Variants in TRIP12 observed in about 807,000 individuals in gnomAD.
The protein encoded by TRIP12 is thyroid hormone receptor interactor 12, also known as E3 ubiquitin-protein ligase TRIP12.
A neutral mutation model predicts 244.2 loss-of-function variants in TRIP12; 25 were observed. The ratio of observed to expected loss-of-function variants is 0.10; its 90% CI spans 0.07 to 0.14. TRIP12 has a LOEUF of 0.14. TRIP12 is among the 10% of genes least tolerant of loss of function. The probability of loss-of-function intolerance (pLI) is 1.00; values close to 1 mark genes in which losing one functional copy is unlikely to be tolerated. For missense variants in TRIP12, 1,677 were observed against 2,486.4 expected (o/e 0.67, Z 6.92); for synonymous variants, 905 against 873.1 (o/e 1.04, Z -0.64).
At chr2:229,902,396 A>G (rs1364657491) in intron 1 of TRIP12, among the ~76,000 whole-genome samples, 1 of 152,192 alleles carries the variant, frequency 6.6e-6, no homozygotes, top group Non-Finnish European at 1.5e-5. Context: ...ACCAAAAAAA[A>G]AAGAATTTTA....
intron 39 of TRIP12, among the ~76,000 whole-genome samples, chr2:229,769,655 T>C (rs569069759): frequency 6.6e-6 from 1 of 152,092 alleles, no homozygotes; most frequent in Non-Finnish European, 1.5e-5. Flanking sequence ...AAATGGATAA[T>C]CTGCTTCTAG....
chr2:229,857,800 C>A lies in TRIP12; in HGVS notation c.1027+972G>T, dbSNP rs1360041577. On this transcript the variant is annotated intron_variant, in intron 4 of 41. Transcript: ENST00000675903. ...AATGCACATAACGCTATGTTTCTTC[C>A]ATCTACTTTCTGTTTCTTTGCTTGA... 2.6e-5 allele frequency among the ~76,000 whole-genome samples: 4 copies of A among 152,218 alleles called. No homozygotes were observed. The East Asian group carries it at 7.7e-4, about 29-fold the overall frequency.
At chr2:229,808,133 A>AT in intron 16 of TRIP12, 119 bp downstream of exon 16, 2 of 794,760 alleles carry the variant, frequency 2.5e-6, no homozygotes, top group African/African-American at 1.7e-5. Context: ...CGCCCAGGTA[A>AT]TTTTTTGTAT....
chr2:229,804,042 C>A lies in TRIP12; in HGVS notation c.2836G>T (p.Ala946Ser). ...AILRIIYFAD[A>S]ELLKDVLKNH... Reference sequence around the variant, plus strand: ...TTCAGAACATCCTTCAGAAGTTCAGCATCCGCAAAATAAATTATCCTAAGA... The same window carrying A: ...TTCAGAACATCCTTCAGAAGTTCAGAATCCGCAAAATAAATTATCCTAAGA... Residue 946 changes from alanine (A) to serine (S), a missense_variant, in exon 19 of 42, where the codon GCT (alanine) becomes TCT (serine). Ala to Ser is a moderately conservative substitution (Grantham distance 99). Around this residue, in one of 11 missense-constraint regions of TRIP12, gnomAD observed 572 missense variants for 867.8 expected, o/e 0.66. Transcript: ENST00000675903. 6.2e-7 allele frequency: 1 copy of A among 1,614,012 alleles called. No homozygotes were observed. Among genetic ancestry groups the A allele is most frequent in the East Asian group, 2.2e-5 (1 of 44,866 alleles).
intron 1 of TRIP12, chr2:229,894,515 G>T (rs1240276532): frequency 6.6e-6 from 1 of 152,124 alleles, no homozygotes; most frequent in Non-Finnish European, 1.5e-5. Flanking sequence ...TGATGAAGAT[G>T]ACCAGAAATA....
chr2:229,848,223 C>T (rs1234221413), intron 4 of TRIP12, among the ~76,000 whole-genome samples: 1 of 152,102 alleles, frequency 6.6e-6, no homozygotes, highest in African/African-American at 2.4e-5. Flanking sequence ...TCTTGAATTA[C>T]ACTTGAGTAT....
chr2:229,796,365 A>G (rs1398647479), intron 25 of TRIP12, among the ~76,000 whole-genome samples: 1 of 152,210 alleles, frequency 6.6e-6, no homozygotes, highest in East Asian at 1.9e-4. Flanking sequence ...GACTCAAGAT[A>G]CTTCAATCAT....
At chr2:229,897,030 G>T (rs2069030057) in intron 1 of TRIP12, among the ~76,000 whole-genome samples, 1 of 152,164 alleles carries the variant, frequency 6.6e-6, no homozygotes, top group Admixed American at 6.5e-5. Context: ...CTTCGGTGGG[G>T]GATGTTGATC....
At chr2:229,825,534 C>G (rs1030968645) in intron 8 of TRIP12, among the ~76,000 whole-genome samples, 3 of 152,150 alleles carry the variant, frequency 2.0e-5, no homozygotes, top group Non-Finnish European at 2.9e-5. Context: ...AGGAAACTTA[C>G]CATCAGTGGA....
At chr2:229,768,782 T>C in intron 40 of TRIP12, 63 bp from the exon 41 acceptor site, 1 of 1,399,186 alleles carries the variant, frequency 7.1e-7, no homozygotes, top group South Asian at 1.4e-5. Context: ...TTAATCACAC[T>C]GCATCGCATC....
At position 229,829,253 on chromosome 2, in the gene TRIP12, A is replaced by C; in HGVS notation, c.1390T>G (p.Phe464Val). The change falls in exon 8 of 42, where the codon TTT becomes GTT. Residue 464 changes from phenylalanine to valine, a missense_variant. Coordinates refer to ENST00000675903, the MANE Select transcript of TRIP12 (RefSeq NM_001348323.3). ...GACATCCGAGGACCAAGAGGACCAA[A>C]TAGGTGAGGGGGAAGACCCCTTGCC... is the stretch of plus-strand genomic sequence containing the variant. ...LEARGLPPHLFGPLGPRMSQL... is the reference protein window; with the variant it reads ...LEARGLPPHLVGPLGPRMSQL... The C allele has an allele frequency of 6.2e-7, 1 of 1,614,012 alleles. No homozygotes were observed. Among genetic ancestry groups the C allele is most frequent in the Non-Finnish European group, 8.5e-7 (1 of 1,179,986 alleles).
chr2:229,807,713 T>C lies in TRIP12; in HGVS notation c.2491A>G (p.Ile831Val), dbSNP rs965568553. The C allele has an allele frequency of 2.5e-6, 4 of 1,614,048 alleles. No individual in the cohort carries two copies. Among genetic ancestry groups the C allele is most frequent in the African/African-American group, 1.3e-5 (1 of 74,920 alleles). ...HPYNRIDSRIIEAAHQVGEDE... is the reference protein window; with the variant it reads ...HPYNRIDSRIVEAAHQVGEDE... ...CGGTACGATGAAACTACTACCTCAATGATCCGGCTGTCAATCCTGTTATAT... is the reference window on the plus strand; with the variant it reads ...CGGTACGATGAAACTACTACCTCAACGATCCGGCTGTCAATCCTGTTATAT... The change falls in exon 17 of 42, where the codon ATT (isoleucine) becomes GTT (valine). Residue 831 changes from isoleucine to valine, a missense_variant. Ile to Val is a conservative substitution (Grantham distance 29, BLOSUM62 3). Coordinates refer to ENST00000675903, the MANE Select transcript of TRIP12 (RefSeq NM_001348323.3).
chr2:229,838,465 G>A (rs1013845259), intron 5 of TRIP12, among the ~76,000 whole-genome samples: 6 of 152,182 alleles, frequency 3.9e-5, no homozygotes, highest in African/African-American at 1.4e-4. Context: ...ACTTCAAGCA[G>A]GTGGCTAGAT....
chr2:229,897,809 C>T (rs2069314077), intron 1 of TRIP12, among the ~76,000 whole-genome samples: 1 of 152,192 alleles, frequency 6.6e-6, no homozygotes, highest in African/African-American at 2.4e-5. Context: ...ATTAGACAAC[C>T]ATGTTTGCCT....
chr2:229,839,450 G>A lies in TRIP12; in HGVS notation c.1133+1372C>T, dbSNP rs141302455. Among the ~76,000 whole-genome samples the A allele has an allele frequency of 7.0e-3, 1,061 of 152,244 alleles. 8 individuals are homozygous for A. Among genetic ancestry groups the A allele is most frequent in the Middle Eastern group, 0.051 (15 of 294 alleles). ...CCCAGCACTTTGGGAGGCCGAGGCA[G>A]GTGGATCACGAGGTCAGGAGACCGA... is the stretch of plus-strand genomic sequence containing the variant. On this transcript the variant is annotated intron_variant, in intron 5 of 41. Coordinates refer to ENST00000675903, the MANE Select transcript of TRIP12 (RefSeq NM_001348323.3).
intron 8 of TRIP12, among the ~76,000 whole-genome samples, chr2:229,827,708 T>C (rs919019763): frequency 6.6e-6 from 1 of 152,222 alleles, no homozygotes; most frequent in Non-Finnish European, 1.5e-5. Flanking sequence ...TGTTCTTCTT[T>C]AGTATATAGA....
At chr2:229,910,690 A>C (rs944317097) in intron 1 of TRIP12, among the ~76,000 whole-genome samples, 4 of 152,128 alleles carry the variant, frequency 2.6e-5, no homozygotes, top group Non-Finnish European at 4.4e-5. Context: ...TTACAGCACC[A>C]CACCAAAGGC....
intron 2 of TRIP12, among the ~76,000 whole-genome samples, chr2:229,871,116 G>A (rs1290168981): frequency 6.7e-6 from 1 of 148,310 alleles, no homozygotes; most frequent in Non-Finnish European, 1.5e-5. Context: ...AGAGGTTGCA[G>A]TGAGTCAAGG....
At chr2:229,905,184 G>T (rs368183195) in intron 1 of TRIP12, among the ~76,000 whole-genome samples, 28 of 151,424 alleles carry the variant, frequency 1.8e-4, no homozygotes, top group Non-Finnish European at 1.2e-4. Context: ...TGAGGCAGGA[G>T]AATCGCCTGA....
Sources: gnomAD v4.1 joint callset for allele counts (sites outside exome capture counted in the v4.1 genomes callset) on GRCh38, gnomAD v4.1.1 for gene constraint, gnomAD v4.1.1 regional missense constraint, MANE v1.5 for transcripts, NCBI Gene and HGNC (gene_info 2026-07-23, HGNC 2026-07-21) for gene names.